The following TRABD2B variants were observed in gnomAD, a reference collection of about 807,000 sequenced individuals.
TRABD2B encodes metalloprotease TIKI2.
A neutral mutation model predicts 40.1 loss-of-function variants in TRABD2B; 14 were observed. The observed-to-expected ratio is 0.35, with a 90% confidence interval of 0.23 to 0.55. The LOEUF (loss-of-function observed/expected upper bound fraction) is 0.55. Ranked by LOEUF, TRABD2B falls within the 20% of genes least tolerant of loss-of-function variation. The pLI is 0.90. For missense variants in TRABD2B, 541 were observed against 648.6 expected, an observed-to-expected ratio of 0.83 and a Z score of 1.80; for synonymous variants, 263 against 277.0, an observed-to-expected ratio of 0.95 and a Z score of 0.50.
intron 2 of TRABD2B, among the ~76,000 whole-genome samples, chr1:47,928,113 T>G (rs1343513546): frequency 6.6e-6 from 1 of 152,206 alleles, no homozygotes; most frequent in African/African-American, 2.4e-5. Context: ...CCATGGAACG[T>G]AACCCCTTCA....
At chr1:47,984,510 G>A (rs1401502661) in intron 2 of TRABD2B, among the ~76,000 whole-genome samples, 1 of 152,214 alleles carries the variant, frequency 6.6e-6, no homozygotes, top group Non-Finnish European at 1.5e-5. Flanking sequence ...CCGGGGGAGC[G>A]CCAAGGTGAA....
intron 2 of TRABD2B, among the ~76,000 whole-genome samples, chr1:47,989,315 T>A (rs936327027): frequency 6.6e-6 from 1 of 152,256 alleles, no homozygotes; most frequent in Non-Finnish European, 1.5e-5. Context: ...CTGTGATTTA[T>A]ACTTTTCTTC....
chr1:47,848,879 G>T (rs893262448), intron 2 of TRABD2B, among the ~76,000 whole-genome samples: 1 of 152,228 alleles, frequency 6.6e-6, no homozygotes, highest in African/African-American at 2.4e-5. Flanking sequence ...TTCTCAGGTA[G>T]TCACATGTCC....
intron 2 of TRABD2B, among the ~76,000 whole-genome samples, chr1:47,940,228 A>G (rs905044280): frequency 2.6e-5 from 4 of 152,162 alleles, no homozygotes; most frequent in African/African-American, 9.7e-5. Context: ...CCTGGCTCCC[A>G]GGTAGAATGG....
At chr1:47,873,950 G>A (rs1644181541) in intron 2 of TRABD2B, among the ~76,000 whole-genome samples, 2 of 152,204 alleles carry the variant, frequency 1.3e-5, no homozygotes, top group South Asian at 4.1e-4. Flanking sequence ...GGACACAGAT[G>A]CTAGGAGAAA....
intron 4 of TRABD2B, among the ~76,000 whole-genome samples, chr1:47,791,482 C>T (rs1019772416): frequency 6.6e-6 from 1 of 152,194 alleles, no homozygotes; most frequent in Non-Finnish European, 1.5e-5. Flanking sequence ...GTAGTATAGA[C>T]CCTTCCTACA....
intron 2 of TRABD2B, among the ~76,000 whole-genome samples, chr1:47,863,569 T>C (rs995451849): frequency 1.3e-5 from 2 of 151,688 alleles, no homozygotes; most frequent in African/African-American, 2.4e-5. Flanking sequence ...CACTCAACTA[T>C]CAGAAGGGCA....
rs999744150 is a variant in TRABD2B at position 47,925,534 on chromosome 1, C to T, written c.666+68500G>A. Among the ~76,000 whole-genome samples, 7 of 152,280 alleles carry T rather than the reference C, an allele frequency of 4.6e-5. No homozygotes were observed. In the East Asian group the frequency reaches 1.4e-3, roughly 29 times the overall value. On this transcript the variant is annotated intron_variant, in intron 2 of 6. Transcript: ENST00000606738. ...CACTTAGCAAGTTCTGTTTTATATACTTTCTTTCATTTAATCCTCACTAAG... is the reference window on the plus strand; with the variant it reads ...CACTTAGCAAGTTCTGTTTTATATATTTTCTTTCATTTAATCCTCACTAAG...
intron 2 of TRABD2B, among the ~76,000 whole-genome samples, chr1:47,803,051 A>G (rs188864660): frequency 9.9e-5 from 15 of 151,196 alleles, no homozygotes; most frequent in Non-Finnish European, 1.3e-4. Flanking sequence ...GTGCCTCTGT[A>G]AATGCTGTTC....
intron 2 of TRABD2B, among the ~76,000 whole-genome samples, chr1:47,956,316 T>G (rs1359907659): frequency 6.6e-6 from 1 of 152,212 alleles, no homozygotes; most frequent in Non-Finnish European, 1.5e-5. Flanking sequence ...GGGTGATTTC[T>G]GCATTTCCAA....
At chr1:47,863,498 A>T in intron 2 of TRABD2B, among the ~76,000 whole-genome samples, 1 of 151,342 alleles carries the variant, frequency 6.6e-6, no homozygotes, top group Non-Finnish European at 1.5e-5. Flanking sequence ...GTAAGTATAT[A>T]AAAAGATGCT....
intron 2 of TRABD2B, among the ~76,000 whole-genome samples, chr1:47,899,624 G>A (rs527468655): frequency 6.6e-6 from 1 of 152,216 alleles, no homozygotes; most frequent in Non-Finnish European, 1.5e-5. Flanking sequence ...TCTGGAGGAG[G>A]TACTATTAGA....
rs1443549522 is a variant in TRABD2B at position 47,760,548 on chromosome 1, AT to A, written c.*5353del. 7 of 152,352 alleles carry A rather than the reference AT, an allele frequency of 4.6e-5. 1 individual carries two copies. The South Asian group carries it at 1.5e-3, about 32-fold the overall frequency. 9.4% of individuals were successfully genotyped at this position (152,352 alleles called of 1,614,324 possible). A position where few individuals can be genotyped will look rare whatever the true frequency, so the allele number is the denominator to read the frequency against. On this transcript the variant is annotated 3_prime_UTR_variant, in exon 7 of 7. Transcript: ENST00000606738. ...AGCCATTGAATTCATAATATCTTTTATTAATATATTATGCTACAAAAATATT... is the reference window on the plus strand; with the variant it reads ...AGCCATTGAATTCATAATATCTTTTATAATATATTATGCTACAAAAATATT...
intron 2 of TRABD2B, among the ~76,000 whole-genome samples, chr1:47,962,220 G>T (rs1281549858): frequency 1.3e-5 from 2 of 150,162 alleles, no homozygotes; most frequent in Non-Finnish European, 2.9e-5. Context: ...TTGTGGGGTG[G>T]GGGGATGGGG....
chr1:47,802,988 T>C (rs995459347), intron 2 of TRABD2B, among the ~76,000 whole-genome samples: 1 of 151,794 alleles, frequency 6.6e-6, no homozygotes, highest in African/African-American at 2.4e-5. Flanking sequence ...TGCCTCCAAA[T>C]ACTAAAATAC....
chr1:47,940,387 T>C (rs1467990084), intron 2 of TRABD2B, among the ~76,000 whole-genome samples: 1 of 152,146 alleles, frequency 6.6e-6, no homozygotes, highest in Non-Finnish European at 1.5e-5. Context: ...ATGGCGATGA[T>C]GGAATTTGTT....
chr1:47,994,318 C>T lies in TRABD2B; in HGVS notation c.382G>A (p.Val128Met). The T allele has an allele frequency of 2.0e-6, 3 of 1,536,326 alleles. No homozygotes were observed. Among genetic ancestry groups the T allele is most frequent in the Non-Finnish European group, 1.7e-6 (2 of 1,146,954 alleles). ...ATCCAGGAGGGCATCATCAACTTCA[C>T]GTAGTCCAGGTGGCGCTTCAAGCGC... ...YWRLKRHLDY[V>M]KLMMPSWMTP... The change falls in exon 2 of 7, where the codon GTG becomes ATG. Residue 128 changes from valine (V) to methionine (M), a missense_variant. This residue lies in a region of TRABD2B where 369 missense variants were observed against 492.8 expected (regional missense o/e 0.75). Transcript: ENST00000606738. This position sits in a 1 kb window ranked among gnomAD's most constrained non-coding sequence, Gnocchi z 6.7.
chr1:47,906,489 T>C (rs951080030), intron 2 of TRABD2B, among the ~76,000 whole-genome samples: 1 of 152,232 alleles, frequency 6.6e-6, no homozygotes. Flanking sequence ...CCAGGAATTC[T>C]GATCCCAGTT....
At chr1:47,782,395 C>A (rs995139388) in intron 4 of TRABD2B, among the ~76,000 whole-genome samples, 9 of 152,184 alleles carry the variant, frequency 5.9e-5, no homozygotes, top group African/African-American at 2.2e-4. Flanking sequence ...CTAGTTCACA[C>A]CCCAGAGCTG....
Sources: gnomAD v4.1 joint callset for allele counts (sites outside exome capture counted in the v4.1 genomes callset) on GRCh38, gnomAD v4.1.1 for gene constraint, gnomAD v4.1.1 regional missense constraint, Gnocchi (gnomAD v3.1) non-coding constraint, MANE v1.5 for transcripts, NCBI Gene and HGNC (gene_info 2026-07-23, HGNC 2026-07-21) for gene names.